Variants in EIF2B3 observed in about 807,000 individuals in gnomAD.
The protein encoded by EIF2B3 is eukaryotic translation initiation factor 2B subunit gamma.
A neutral mutation model predicts 54.1 loss-of-function variants in EIF2B3; 20 were observed. The ratio of observed to expected loss-of-function variants is 0.37; its 90% CI spans 0.26 to 0.54. The LOEUF is 0.54. Ranked by LOEUF, EIF2B3 falls within the 20% of genes least tolerant of loss-of-function variation. The probability of loss-of-function intolerance (pLI) is 0.86; values close to 1 mark genes in which losing one functional copy is unlikely to be tolerated. For synonymous variants in EIF2B3, 153 were observed against 188.1 expected (o/e 0.81, Z 1.52); for missense variants, 448 against 547.8 (o/e 0.82, Z 1.82).
chr1:44,898,889 G>A (rs538295939), intron 5 of EIF2B3, among the ~76,000 whole-genome samples: 221 of 152,064 alleles, frequency 1.5e-3, no homozygotes, highest in Middle Eastern at 3.4e-3. Context: ...ACAAGGTCTC[G>A]CTATGTTGCC....
intron 10 of EIF2B3, among the ~76,000 whole-genome samples, chr1:44,862,543 G>C (rs1433852595): frequency 1.3e-5 from 2 of 152,154 alleles, no homozygotes; most frequent in African/African-American, 4.8e-5. Context: ...ACTTCTTTCA[G>C]TTATTTCAAG....
chr1:44,943,409 TATATC>T (rs1644061233), intron 3 of EIF2B3, among the ~76,000 whole-genome samples: 1 of 151,398 alleles, frequency 6.6e-6, no homozygotes, highest in Non-Finnish European at 1.5e-5. Flanking sequence ...TATCTATATC[TATATC>T]TATATCTAAA....
chr1:44,863,147 A>G (rs1327359511), intron 10 of EIF2B3: 1 of 152,182 alleles, frequency 6.6e-6, no homozygotes, highest in African/African-American at 2.4e-5. Context: ...CAGGCTTTCT[A>G]AACTACTCAT....
chr1:44,876,578 G>GAA (rs1655162263), intron 8 of EIF2B3, among the ~76,000 whole-genome samples: 1 of 29,030 alleles, frequency 3.4e-5, no homozygotes. Flanking sequence ...GGAGGTGGGG[G>GAA]TCAGCCCCCC....
intron 3 of EIF2B3, among the ~76,000 whole-genome samples, chr1:44,961,454 G>A (rs1479025571): frequency 6.6e-6 from 1 of 152,106 alleles, no homozygotes; most frequent in Non-Finnish European, 1.5e-5. Flanking sequence ...GAGGCAGGAG[G>A]ACTGCTTGAG....
chr1:44,931,836 G>A (rs137928988), intron 4 of EIF2B3, among the ~76,000 whole-genome samples: 5 of 152,358 alleles, frequency 3.3e-5, no homozygotes, highest in African/African-American at 1.2e-4. Flanking sequence ...TGTATAGTAC[G>A]CTGGGCATGG....
chr1:44,926,741 T>C lies in EIF2B3; in HGVS notation c.455-2A>G, dbSNP rs1643856716. On this transcript the variant is annotated splice_acceptor_variant, in intron 4 of 11. Transcript: ENST00000360403. LOFTEE classifies it high-confidence loss of function. ...CTCCAATGAAGTCACGCTGCTCCAC[T>C]GAATCATACAAAAGAAAAAAAAAAT... is the stretch of plus-strand genomic sequence containing the variant. The C allele has an allele frequency of 6.2e-7, 1 of 1,612,136 alleles. No individual in the cohort carries two copies. Among genetic ancestry groups the C allele is most frequent in the Middle Eastern group, 1.7e-4 (1 of 6,060 alleles).
At chr1:44,975,060 T>A (rs1363122709) in intron 3 of EIF2B3, among the ~76,000 whole-genome samples, 1 of 151,976 alleles carries the variant, frequency 6.6e-6, no homozygotes, top group Admixed American at 6.6e-5. Context: ...AAAATAAAAA[T>A]CTAAAAAATT....
chr1:44,871,962 C>T (rs1398948677), intron 10 of EIF2B3, among the ~76,000 whole-genome samples: 2 of 151,014 alleles, frequency 1.3e-5, no homozygotes, highest in African/African-American at 4.9e-5. Context: ...CTGCAACCTC[C>T]ACTTCCTGGG....
chr1:44,939,278 C>G (rs1643994148), intron 4 of EIF2B3, among the ~76,000 whole-genome samples: 1 of 152,112 alleles, frequency 6.6e-6, no homozygotes, highest in Non-Finnish European at 1.5e-5. Context: ...ATCTGCTTCT[C>G]TGCCTCCTAT....
intron 3 of EIF2B3, among the ~76,000 whole-genome samples, chr1:44,974,603 G>A (rs984635436): frequency 6.6e-6 from 1 of 152,026 alleles, no homozygotes; most frequent in African/African-American, 2.4e-5. Context: ...GGGCTACAGT[G>A]AGCTGTGACC....
At chr1:44,920,426 A>C (rs143862613) in intron 5 of EIF2B3, among the ~76,000 whole-genome samples, 4 of 152,234 alleles carry the variant, frequency 2.6e-5, no homozygotes, top group African/African-American at 9.6e-5. Context: ...TGTACAATTA[A>C]ATTATTTTTT....
chr1:44,931,714 G>C (rs1643898250), intron 4 of EIF2B3, among the ~76,000 whole-genome samples: 1 of 152,232 alleles, frequency 6.6e-6, no homozygotes, highest in South Asian at 2.1e-4. Context: ...TATACCACTT[G>C]ATAGATGCAG....
At chr1:44,938,433 G>T (rs1267182951) in intron 4 of EIF2B3, among the ~76,000 whole-genome samples, 1 of 151,936 alleles carries the variant, frequency 6.6e-6, no homozygotes, top group East Asian at 1.9e-4. Flanking sequence ...AATTGCTTGA[G>T]GTCAAGAGTT....
intron 5 of EIF2B3, among the ~76,000 whole-genome samples, chr1:44,900,854 T>C (rs1643280428): frequency 6.6e-6 from 1 of 152,200 alleles, no homozygotes; most frequent in Non-Finnish European, 1.5e-5. Flanking sequence ...TTGTTAGCCA[T>C]TTGTGTATTT....
intron 5 of EIF2B3, among the ~76,000 whole-genome samples, chr1:44,919,242 C>T (rs933745821): frequency 6.6e-6 from 1 of 151,614 alleles, no homozygotes; most frequent in Admixed American, 6.6e-5. Flanking sequence ...CCCAACTACT[C>T]GGGAGGCTGA....
At position 44,929,420 on chromosome 1, in the gene EIF2B3, T is replaced by C. The variant is rs568041826; in HGVS notation, c.455-2681A>G. Among the ~76,000 whole-genome samples the C allele has an allele frequency of 2.6e-5, 4 of 152,356 alleles. 1 individual carries two copies. In the East Asian group the frequency reaches 7.7e-4, roughly 29 times the overall value. Reference sequence around the variant, plus strand: ...TCACCAATCAGATGGTCTCTGGTCATCTTATATGCAGTGTTTTAATATAAA... The same window carrying C: ...TCACCAATCAGATGGTCTCTGGTCACCTTATATGCAGTGTTTTAATATAAA... On this transcript the variant is annotated intron_variant, in intron 4 of 11. Coordinates refer to ENST00000360403, the MANE Select transcript of EIF2B3 (RefSeq NM_020365.5).
At chr1:44,884,985 A>G (rs1288342770) in intron 6 of EIF2B3, among the ~76,000 whole-genome samples, 2 of 152,230 alleles carry the variant, frequency 1.3e-5, no homozygotes, top group Admixed American at 6.5e-5. Flanking sequence ...TGAAGGAAAC[A>G]ATTACTCTTC....
chr1:44,969,996 A>G (rs1483360901), intron 3 of EIF2B3: 2 of 152,214 alleles, frequency 1.3e-5, no homozygotes, highest in Non-Finnish European at 2.9e-5. Context: ...TGGGAGAATG[A>G]ATGAACCAAT....
Sources: gnomAD v4.1 joint callset for allele counts (sites outside exome capture counted in the v4.1 genomes callset) on GRCh38, gnomAD v4.1.1 for gene constraint, MANE v1.5 for transcripts, NCBI Gene and HGNC (gene_info 2026-07-23, HGNC 2026-07-21) for gene names.